Variants in ITGA9 observed in about 807,000 individuals in gnomAD.
ITGA9 encodes integrin alpha-9.
ITGA9 carries 56 observed loss-of-function variants against 127.8 expected under a neutral mutation model. The observed-to-expected ratio is 0.44, with a 90% confidence interval of 0.35 to 0.55. The LOEUF (loss-of-function observed/expected upper bound fraction) is 0.55, where lower values mean the gene tolerates loss of function less well. Among genes scored for constraint, ITGA9 ranks in the 20% least tolerant of loss-of-function variants. The probability of loss-of-function intolerance (pLI) is 0.00; values close to 1 mark genes in which losing one functional copy is unlikely to be tolerated. For missense variants in ITGA9, 1,196 were observed against 1,347.1 expected (o/e 0.89, Z 1.76); for synonymous variants, 508 against 514.5 (o/e 0.99, Z 0.17).
At chr3:37,481,692 A>G in intron 4 of ITGA9, 85 bp downstream of exon 4, 1 of 1,534,552 alleles carries the variant, frequency 6.5e-7, no homozygotes, top group Non-Finnish European at 9.0e-7. Flanking sequence ...CACCAGCTGA[A>G]CATTTCCCCA....
chr3:37,494,933 G>C (rs547539001), intron 5 of ITGA9, among the ~76,000 whole-genome samples: 1 of 152,152 alleles, frequency 6.6e-6, no homozygotes, highest in Non-Finnish European at 1.5e-5. Flanking sequence ...TACATGAAGC[G>C]TGTGAGCATC....
Position 37,666,597 on chromosome 3 carries a change from T to G in ITGA9, c.1916+12807T>G, listed in dbSNP as rs573122376. On this transcript the variant is annotated intron_variant, in intron 17 of 27. Coordinates refer to ENST00000264741, the MANE Select transcript of ITGA9 (RefSeq NM_002207.3). ...CTCCAGCAGGCTAGCCCAGGATTAC[T>G]CTTACAGTGTGGCCAGGGCCCAAAA... 3.9e-5 allele frequency among the ~76,000 whole-genome samples: 6 copies of G among 152,318 alleles called. No individual in the cohort carries two copies. In the East Asian group the frequency reaches 1.2e-3, roughly 29 times the overall value.
At chr3:37,516,482 A>G in intron 9 of ITGA9, among the ~76,000 whole-genome samples, 1 of 150,942 alleles carries the variant, frequency 6.6e-6, no homozygotes, top group African/African-American at 2.5e-5. Context: ...TTGAATGAGG[A>G]GCTGGCTGTA....
In ITGA9 at chr3:37,733,019, T is replaced by A. The variant is rs192454995; in HGVS notation, c.2154+221T>A. Reference sequence around the variant, plus strand: ...ATATGGTCTTTCTCTTCGATTCACATGATGTACCCCAAATGTGAAAGTGAA... The same window carrying A: ...ATATGGTCTTTCTCTTCGATTCACAAGATGTACCCCAAATGTGAAAGTGAA... On this transcript the variant is annotated intron_variant, in intron 19 of 27. Coordinates refer to ENST00000264741, the MANE Select transcript of ITGA9 (RefSeq NM_002207.3). 3.0e-3 allele frequency: 1,688 copies of A among 558,906 alleles called. 10 individuals are homozygous for A. The highest frequency in any genetic ancestry group is 6.2e-3 in the Middle Eastern group (13 of 2,110). The allele number at this position is 558,906 out of a possible 1,614,324, so 34.6% of individuals were successfully genotyped here. A position where few individuals can be genotyped will look rare whatever the true frequency, so the allele number is the denominator to read the frequency against.
At chr3:37,480,944 C>T (rs2125558493) in intron 3 of ITGA9, among the ~76,000 whole-genome samples, 1 of 152,342 alleles carries the variant, frequency 6.6e-6, no homozygotes, top group East Asian at 1.9e-4. Flanking sequence ...CTCTCCACCA[C>T]TTCCCATTGC....
intron 16 of ITGA9, among the ~76,000 whole-genome samples, chr3:37,646,450 G>A (rs4678984): frequency 0.25 from 37,374 of 152,158 alleles, 4,845 homozygotes; most frequent in African/African-American, 0.33. Context: ...GGTGAGGAAG[G>A]AGCCAGCAGA....
chr3:37,455,607 A>C (rs980410499), intron 1 of ITGA9, among the ~76,000 whole-genome samples: 5 of 152,236 alleles, frequency 3.3e-5, no homozygotes, highest in Admixed American at 6.5e-5. Flanking sequence ...CAGTATAGCA[A>C]AACTTTGAAA....
At chr3:37,733,609 C>A (rs1017101417) in intron 19 of ITGA9, among the ~76,000 whole-genome samples, 1 of 148,556 alleles carries the variant, frequency 6.7e-6, no homozygotes, top group African/African-American at 2.5e-5. Flanking sequence ...CTCCAAGGCT[C>A]TTTGGTCCCA....
intron 26 of ITGA9, among the ~76,000 whole-genome samples, chr3:37,785,858 C>A (rs936634550): frequency 6.6e-6 from 1 of 152,144 alleles, no homozygotes; most frequent in African/African-American, 2.4e-5. Flanking sequence ...TTTACCACCC[C>A]CTTCTCCTCC....
At chr3:37,701,540 T>C (rs1012129968) in intron 18 of ITGA9, among the ~76,000 whole-genome samples, 2 of 152,198 alleles carry the variant, frequency 1.3e-5, no homozygotes, top group African/African-American at 4.8e-5. Context: ...CTGGGGCCTT[T>C]ATCCACCTGC....
intron 18 of ITGA9, among the ~76,000 whole-genome samples, chr3:37,720,225 G>C (rs1040007484): frequency 6.6e-6 from 1 of 152,192 alleles, no homozygotes; most frequent in Non-Finnish European, 1.5e-5. Context: ...AGGTGAGAAG[G>C]AACTCTTCAC....
intron 26 of ITGA9, among the ~76,000 whole-genome samples, chr3:37,796,033 A>G (rs916458429): frequency 1.3e-5 from 2 of 152,156 alleles, no homozygotes; most frequent in Non-Finnish European, 1.5e-5. Context: ...CTGTCTCTCC[A>G]GCATATCATG....
intron 5 of ITGA9, among the ~76,000 whole-genome samples, chr3:37,500,677 C>G (rs1056571648): frequency 2.0e-5 from 3 of 152,214 alleles, no homozygotes; most frequent in African/African-American, 4.8e-5. Flanking sequence ...AATTCTAAAT[C>G]TCTGCGGCAG....
chr3:37,497,242 A>G (rs1270000076), intron 5 of ITGA9, among the ~76,000 whole-genome samples: 2 of 151,936 alleles, frequency 1.3e-5, no homozygotes, highest in African/African-American at 2.4e-5. Context: ...AAATTTTTTC[A>G]TCAGCCTTTT....
chr3:37,653,029 G>A (rs1700444125), intron 16 of ITGA9, among the ~76,000 whole-genome samples: 1 of 152,182 alleles, frequency 6.6e-6, no homozygotes, highest in African/African-American at 2.4e-5. Flanking sequence ...GGAAATATTT[G>A]GGTTTTGACA....
At chr3:37,642,148 G>T (rs897171386) in intron 16 of ITGA9, among the ~76,000 whole-genome samples, 2 of 151,876 alleles carry the variant, frequency 1.3e-5, no homozygotes, top group Non-Finnish European at 1.5e-5. Flanking sequence ...GTTTCCCCAT[G>T]TTGCCCAGGC....
At position 37,526,763 on chromosome 3, in the gene ITGA9, A is replaced by T. The variant is rs758172831; in HGVS notation, c.1373+692A>T. 4.6e-5 allele frequency among the ~76,000 whole-genome samples: 7 copies of T among 152,376 alleles called. No homozygotes were observed. The South Asian group carries it at 8.3e-4, about 18-fold the overall frequency. On this transcript the variant is annotated intron_variant, in intron 13 of 27. Transcript: ENST00000264741. Reference sequence around the variant, plus strand: ...ATTCTTAGGTTTTGTTAATAACCTGATGGCAGAACTTTCTAAAATAGACTA... The same window carrying T: ...ATTCTTAGGTTTTGTTAATAACCTGTTGGCAGAACTTTCTAAAATAGACTA...
At chr3:37,494,383 T>TG in intron 4 of ITGA9, 118 bp from the exon 5 acceptor site, 1 of 752,904 alleles carries the variant, frequency 1.3e-6, no homozygotes, top group South Asian at 1.5e-5. Flanking sequence ...ATGGCATCCC[T>TG]GGGCCCAGCC....
chr3:37,470,740 G>A (rs1187463113), intron 1 of ITGA9, among the ~76,000 whole-genome samples: 4 of 152,126 alleles, frequency 2.6e-5, no homozygotes, highest in South Asian at 2.1e-4. Context: ...CTGGGCTCAA[G>A]CGATCCACCC....
Sources: allele counts gnomAD v4.1 joint callset (sites outside exome capture counted in the v4.1 genomes callset), GRCh38; gene constraint gnomAD v4.1.1; transcripts MANE v1.5; gene names NCBI Gene and HGNC (gene_info 2026-07-23, HGNC 2026-07-21).